The following ZNF71 variants were observed in gnomAD, a reference collection of about 807,000 sequenced individuals.
ZNF71 encodes endothelial zinc finger protein induced by tumor necrosis factor alpha.
ZNF71 carries 3 observed loss-of-function variants against 6.7 expected under a neutral mutation model. The ratio of observed to expected loss-of-function variants is 0.45; its 90% CI spans 0.20 to 1.16. The LOEUF (loss-of-function observed/expected upper bound fraction) is 1.16, where lower values mean the gene tolerates loss of function less well. Among genes scored for constraint, ZNF71 ranks in the 50% most tolerant of loss-of-function variants. The probability of loss-of-function intolerance (pLI) is 0.25; values close to 1 mark genes in which losing one functional copy is unlikely to be tolerated. For synonymous variants in ZNF71, 343 were observed against 311.1 expected (o/e 1.10, Z -1.08); for missense variants, 688 against 728.6 (o/e 0.94, Z 0.64).
intron 2 of ZNF71, among the ~76,000 whole-genome samples, chr19:56,606,372 G>T (rs2044710187): frequency 6.6e-6 from 1 of 152,182 alleles, no homozygotes; most frequent in African/African-American, 2.4e-5. Context: ...TAGAATTCCT[G>T]TTTAGGGGGT....
chr19:56,604,219 G>C (rs959822684), intron 2 of ZNF71, among the ~76,000 whole-genome samples: 1 of 152,194 alleles, frequency 6.6e-6, no homozygotes, highest in East Asian at 1.9e-4. Context: ...CCTTGATGGT[G>C]GTGATGGTTC....
chr19:56,609,056 A>G (rs1801870725), intron 2 of ZNF71, among the ~76,000 whole-genome samples: 1 of 152,236 alleles, frequency 6.6e-6, no homozygotes, highest in Non-Finnish European at 1.5e-5. Context: ...GCTTTGCCCA[A>G]TTTTTGGATT....
chr19:56,617,902 A>C (rs569111276), intron 3 of ZNF71, among the ~76,000 whole-genome samples: 16 of 152,002 alleles, frequency 1.1e-4, no homozygotes, highest in Admixed American at 3.3e-4. Context: ...AGCTGTATTC[A>C]CAACCAAGAC....
At chr19:56,607,421 A>G (rs1179850427) in intron 2 of ZNF71, among the ~76,000 whole-genome samples, 1 of 152,212 alleles carries the variant, frequency 6.6e-6, no homozygotes, top group Non-Finnish European at 1.5e-5. Flanking sequence ...TTTGTTGTAC[A>G]AACATTTATT....
intron 3 of ZNF71, among the ~76,000 whole-genome samples, chr19:56,620,428 A>G (rs1301519363): frequency 6.6e-6 from 1 of 152,182 alleles, no homozygotes; most frequent in East Asian, 1.9e-4. Flanking sequence ...AAGGGTGGAG[A>G]ATAGAAAGTG....
At chr19:56,601,042 T>C (rs556523802) in intron 1 of ZNF71, among the ~76,000 whole-genome samples, 47 of 152,148 alleles carry the variant, frequency 3.1e-4, no homozygotes, top group African/African-American at 7.2e-4. Flanking sequence ...GGCAGGGCCA[T>C]TGGGAGAAGG....
chr19:56,621,897 C>T lies in ZNF71; in HGVS notation c.790C>T (p.His264Tyr). 3.1e-6 allele frequency: 5 copies of T among 1,613,638 alleles called. No homozygotes were observed. The highest frequency in any genetic ancestry group is 4.2e-6 in the Non-Finnish European group (5 of 1,179,902). ...CAGCCAGCGCATGAACCTCACTGTG[C>T]ACCAGCGCACGCACACGGGCGAGAA... ...AFSQRMNLTV[H>Y]QRTHTGEKPY... The change falls in exon 4 of 4, where the codon CAC becomes TAC. Residue 264 changes from histidine to tyrosine, a missense_variant. By Grantham distance (83) the His-to-Tyr change is moderately conservative. Coordinates refer to ENST00000599599, the MANE Select transcript of ZNF71 (RefSeq NM_001370215.1).
intron 2 of ZNF71, among the ~76,000 whole-genome samples, chr19:56,604,122 C>T (rs2044692277): frequency 6.6e-6 from 1 of 151,960 alleles, no homozygotes; most frequent in African/African-American, 2.4e-5. Flanking sequence ...GGAAGACTTC[C>T]AGAAGGAATT....
chr19:56,614,932 T>C (rs901360581), intron 3 of ZNF71, among the ~76,000 whole-genome samples: 117 of 152,168 alleles, frequency 7.7e-4, no homozygotes, highest in African/African-American at 2.7e-3. Context: ...TTTATGTCAC[T>C]GTGGTTGAGT....
intron 3 of ZNF71, 51 bp from the exon 4 acceptor site, chr19:56,621,217 C>A: frequency 6.7e-7 from 1 of 1,500,700 alleles, no homozygotes; most frequent in Non-Finnish European, 8.9e-7. Flanking sequence ...TTCCTCACTC[C>A]CAGCATCTTT....
chr19:56,617,112 G>GTTTTGTTTTTTTTTTT, intron 3 of ZNF71, among the ~76,000 whole-genome samples: 1 of 140,646 alleles, frequency 7.1e-6, no homozygotes, highest in Non-Finnish European at 1.5e-5. Flanking sequence ...ATTTTCTTTT[G>GTTTTGTTTTTTTTTTT]TTTTTTTTTG....
intron 3 of ZNF71, among the ~76,000 whole-genome samples, chr19:56,617,107 C>CTTTTTTTTTTT (rs200131241): frequency 6.8e-5 from 8 of 117,090 alleles, no homozygotes; most frequent in East Asian, 3.3e-4. Flanking sequence ...CTTCCATTTT[C>CTTTTTTTTTTT]TTTTGTTTTT....
At chr19:56,615,558 GTTTT>G (rs60056272) in intron 3 of ZNF71, among the ~76,000 whole-genome samples, 5,654 of 141,040 alleles carry the variant, frequency 0.04, 231 homozygotes, top group African/African-American at 0.11. Flanking sequence ...GTCTTTTCCT[GTTTT>G]TTTTTTTTTT....
At chr19:56,617,792 C>T (rs1202960509) in intron 3 of ZNF71, among the ~76,000 whole-genome samples, 1 of 152,172 alleles carries the variant, frequency 6.6e-6, no homozygotes, top group East Asian at 1.9e-4. Context: ...GGGTTTTAGC[C>T]TGAGAAAGGG....
At chr19:56,602,234 A>G (rs1011733401) in intron 2 of ZNF71, among the ~76,000 whole-genome samples, 4 of 152,122 alleles carry the variant, frequency 2.6e-5, no homozygotes, top group African/African-American at 9.7e-5. Flanking sequence ...TTGGTTTCCA[A>G]GTATTCTTTT....
intron 3 of ZNF71, among the ~76,000 whole-genome samples, chr19:56,620,913 C>T (rs1434812609): frequency 6.7e-6 from 1 of 149,756 alleles, no homozygotes; most frequent in Non-Finnish European, 1.5e-5. Context: ...CCCTGCAAGT[C>T]AGTAGCCGGC....
intron 3 of ZNF71, among the ~76,000 whole-genome samples, chr19:56,617,213 C>T (rs1002688646): frequency 4.7e-5 from 7 of 149,828 alleles, no homozygotes; most frequent in Non-Finnish European, 8.8e-5. Context: ...CTGGTTAAAG[C>T]GATTCTCCTG....
intron 2 of ZNF71, among the ~76,000 whole-genome samples, chr19:56,606,753 G>A (rs1444801906): frequency 6.6e-6 from 1 of 151,702 alleles, no homozygotes; most frequent in Non-Finnish European, 1.5e-5. Context: ...GAGACATAAT[G>A]AGACACCTGT....
Position 56,600,102 on chromosome 19 carries a change from T to TG in ZNF71, c.-52-1405_-52-1404insG, listed in dbSNP as rs1568503310. On this transcript the variant is annotated intron_variant, in intron 1 of 3. Transcript: ENST00000599599. Reference sequence around the variant, plus strand: ...TTTTGTTTTTTTGGGGTTTGTTTTTTTTTTTTTTTTTTGAGATGGAGTCTC... The same window carrying TG: ...TTTTGTTTTTTTGGGGTTTGTTTTTTGTTTTTTTTTTTTGAGATGGAGTCTC... Among the ~76,000 whole-genome samples the TG allele has an allele frequency of 6.1e-4, 87 of 143,568 alleles. 4 individuals carry two copies. Among genetic ancestry groups the TG allele is most frequent in the South Asian group, 1.3e-3 (6 of 4,462 alleles). The allele number at this position is 143,568 out of a possible 152,430, so 94.2% of individuals were successfully genotyped here.
Sources: allele counts gnomAD v4.1 joint callset (sites outside exome capture counted in the v4.1 genomes callset), GRCh38; gene constraint gnomAD v4.1.1; transcripts MANE v1.5; gene names NCBI Gene and HGNC (gene_info 2026-07-23, HGNC 2026-07-21).